Variants in UBE2E2 observed in about 807,000 individuals in gnomAD.
The protein encoded by UBE2E2 is ubiquitin-conjugating enzyme E2 E2.
UBE2E2 carries 6 observed loss-of-function variants against 24.7 expected under a neutral mutation model. The ratio of observed to expected loss-of-function variants is 0.24; its 90% confidence interval spans 0.13 to 0.48. The LOEUF is 0.48. Among genes scored for constraint, UBE2E2 ranks in the 20% least tolerant of loss-of-function variants. The pLI is 0.99. For synonymous variants in UBE2E2, 104 were observed against 83.6 expected, an observed-to-expected ratio of 1.24 and a Z score of -1.33; for missense variants, 169 against 245.0, an observed-to-expected ratio of 0.69 and a Z score of 2.07.
chr3:23,274,692 A>T (rs1698337969), intron 3 of UBE2E2, among the ~76,000 whole-genome samples: 1 of 148,468 alleles, frequency 6.7e-6, no homozygotes, highest in Non-Finnish European at 1.5e-5. Flanking sequence ...CAGTGACTGT[A>T]TTCCTTCATA....
intron 3 of UBE2E2, among the ~76,000 whole-genome samples, chr3:23,351,841 C>G (rs954485684): frequency 5.3e-5 from 8 of 152,138 alleles, no homozygotes; most frequent in Non-Finnish European, 7.3e-5. Context: ...AGAAAGTTAA[C>G]AAGGATACCC....
chr3:23,553,183 A>G (rs1269044103), intron 5 of UBE2E2, among the ~76,000 whole-genome samples: 1 of 152,166 alleles, frequency 6.6e-6, no homozygotes, highest in Non-Finnish European at 1.5e-5. Flanking sequence ...ACAGATTTTC[A>G]TTGTTAATAT....
intron 4 of UBE2E2, among the ~76,000 whole-genome samples, chr3:23,525,869 TC>T (rs1274861163): frequency 1.3e-5 from 2 of 152,200 alleles, no homozygotes; most frequent in South Asian, 2.1e-4. Context: ...AGACTTCTTT[TC>T]TCAGCCTCTA....
intron 3 of UBE2E2, among the ~76,000 whole-genome samples, chr3:23,438,895 A>G (rs1207361482): frequency 6.6e-6 from 1 of 152,200 alleles, no homozygotes; most frequent in East Asian, 1.9e-4. Flanking sequence ...TCTGATAACA[A>G]CATATTAGTA....
chr3:23,394,717 A>G lies in UBE2E2; in HGVS notation c.228-104891A>G, dbSNP rs191510864. Among the ~76,000 whole-genome samples the G allele has an allele frequency of 1.4e-3, 219 of 152,298 alleles. 1 individual carries two copies. Among genetic ancestry groups the G allele is most frequent in the Non-Finnish European group, 2.1e-3 (142 of 68,012 alleles). On this transcript the variant is annotated intron_variant, in intron 3 of 5. Transcript: ENST00000396703. ...ACTGTTCTGGAGCCAGAGGTTAAAA[A>G]TTGGAATCCAGAGATTGCTAAGAAG... is the stretch of plus-strand genomic sequence containing the variant.
At chr3:23,398,326 A>AAAC (rs1345214853) in intron 3 of UBE2E2, among the ~76,000 whole-genome samples, 1 of 151,310 alleles carries the variant, frequency 6.6e-6, no homozygotes, top group East Asian at 1.9e-4. Flanking sequence ...AAAAAAAACA[A>AAAC]AAAAAAACTT....
At chr3:23,468,478 C>G in intron 3 of UBE2E2, among the ~76,000 whole-genome samples, 1 of 152,084 alleles carries the variant, frequency 6.6e-6, no homozygotes, top group Non-Finnish European at 1.5e-5. Context: ...AATAAAAGCC[C>G]AAAACATTCT....
chr3:23,332,681 G>GTC, intron 3 of UBE2E2, among the ~76,000 whole-genome samples: 1 of 50,906 alleles, frequency 2.0e-5, no homozygotes, highest in African/African-American at 5.0e-5. Context: ...TGGGGTGTGT[G>GTC]TGTGTGTGTG....
At chr3:23,270,669 A>G (rs574668730) in intron 3 of UBE2E2, among the ~76,000 whole-genome samples, 2 of 152,330 alleles carry the variant, frequency 1.3e-5, no homozygotes, top group East Asian at 1.9e-4. Flanking sequence ...ACTTGCCAAA[A>G]AAGAAGGAAA....
At chr3:23,462,669 T>C (rs1698829497) in intron 3 of UBE2E2, among the ~76,000 whole-genome samples, 1 of 152,108 alleles carries the variant, frequency 6.6e-6, no homozygotes, top group Non-Finnish European at 1.5e-5. Flanking sequence ...ACCAGACCAA[T>C]TCTACGTCAG....
At chr3:23,326,128 G>A (rs1694884299) in intron 3 of UBE2E2, among the ~76,000 whole-genome samples, 1 of 152,164 alleles carries the variant, frequency 6.6e-6, no homozygotes, top group Admixed American at 6.5e-5. Flanking sequence ...CTGGAGTGCA[G>A]TGGCGCGATC....
chr3:23,485,248 A>T (rs922995876), intron 3 of UBE2E2, among the ~76,000 whole-genome samples: 13 of 151,818 alleles, frequency 8.6e-5, no homozygotes, highest in African/African-American at 3.1e-4. Context: ...GGTGCCTATA[A>T]CCACACCCAG....
chr3:23,253,748 A>G lies in UBE2E2; in HGVS notation c.227+36436A>G, dbSNP rs1382473096. ...ATTAGTCCATTCATTGGATGGTTAT[A>G]TATCCAATAAAAATAAATAGGCAAG... On this transcript the variant is annotated intron_variant, in intron 3 of 5. Coordinates refer to ENST00000396703, the MANE Select transcript of UBE2E2 (RefSeq NM_152653.4). 2.0e-5 allele frequency among the ~76,000 whole-genome samples: 3 copies of G among 152,220 alleles called. No individual in the cohort carries two copies. The East Asian group carries it at 5.8e-4, about 29-fold the overall frequency.
chr3:23,582,061 C>T (rs968943360), intron 5 of UBE2E2, among the ~76,000 whole-genome samples: 2 of 152,180 alleles, frequency 1.3e-5, no homozygotes, highest in South Asian at 4.1e-4. Flanking sequence ...CTCCCACCCT[C>T]CACCCTCAAG....
chr3:23,335,054 C>G (rs888594110), intron 3 of UBE2E2, among the ~76,000 whole-genome samples: 2 of 152,178 alleles, frequency 1.3e-5, no homozygotes, highest in African/African-American at 4.8e-5. Flanking sequence ...AGTACCATTC[C>G]TAAATAAAAT....
At chr3:23,454,903 TTTACC>T (rs1698642954) in intron 3 of UBE2E2, among the ~76,000 whole-genome samples, 1 of 152,230 alleles carries the variant, frequency 6.6e-6, no homozygotes, top group South Asian at 2.1e-4. Context: ...TTTTTGTCTG[TTTACC>T]TTACGTTTTG....
intron 5 of UBE2E2, among the ~76,000 whole-genome samples, chr3:23,581,211 C>G (rs1207066839): frequency 6.6e-6 from 1 of 152,050 alleles, no homozygotes; most frequent in African/African-American, 2.4e-5. Context: ...GCATGCACCA[C>G]CACACCCAGC....
chr3:23,374,654 T>C (rs1696476734), intron 3 of UBE2E2, among the ~76,000 whole-genome samples: 1 of 152,174 alleles, frequency 6.6e-6, no homozygotes, highest in South Asian at 2.1e-4. Flanking sequence ...CAATTAAAAA[T>C]CATTATCTTC....
At chr3:23,288,903 C>A (rs1427382725) in intron 3 of UBE2E2, among the ~76,000 whole-genome samples, 1 of 152,166 alleles carries the variant, frequency 6.6e-6, no homozygotes, top group African/African-American at 2.4e-5. Flanking sequence ...AATACATATT[C>A]TCTCTTCACA....
Sources: gnomAD v4.1 joint callset for allele counts (sites outside exome capture counted in the v4.1 genomes callset) on GRCh38, gnomAD v4.1.1 for gene constraint, MANE v1.5 for transcripts, NCBI Gene and HGNC (gene_info 2026-07-23, HGNC 2026-07-21) for gene names.